Variants in PIEZO2 observed in about 807,000 individuals in gnomAD.
PIEZO2 encodes the protein piezo type mechanosensitive ion channel component 2.
PIEZO2 carries 172 observed loss-of-function variants against 337.3 expected under a neutral mutation model. The ratio of observed to expected loss-of-function variants is 0.51; its 90% CI spans 0.45 to 0.58. The LOEUF (loss-of-function observed/expected upper bound fraction) is 0.58, where lower values mean the gene tolerates loss of function less well. Among genes scored for constraint, PIEZO2 ranks in the 20% least tolerant of loss-of-function variants. The pLI is 0.00. For synonymous variants in PIEZO2, 1,251 were observed against 1,228.5 expected (o/e 1.02, Z -0.38); for missense variants, 3,028 against 3,391.3 (o/e 0.89, Z 2.66).
chr18:10,699,541 C>T (rs1053992853), intron 43 of PIEZO2, among the ~76,000 whole-genome samples: 3 of 152,154 alleles, frequency 2.0e-5, no homozygotes, highest in African/African-American at 7.2e-5. Context: ...GATTGTGAGG[C>T]CTCCCCAGCC....
At chr18:10,675,101 GGA>G in intron 54 of PIEZO2, 106 bp downstream of exon 54, 1 of 696,798 alleles carries the variant, frequency 1.4e-6, no homozygotes, top group Non-Finnish European at 2.4e-6. Context: ...TGTCACACAG[GGA>G]GAGATAACTA....
intron 2 of PIEZO2, among the ~76,000 whole-genome samples, chr18:11,018,377 C>T (rs902805235): frequency 3.3e-5 from 4 of 119,856 alleles, no homozygotes; most frequent in Admixed American, 2.7e-4. Context: ...GGACTCCCAA[C>T]ATGTCGTGTG....
Position 10,860,141 on chromosome 18 carries a change from T to A in PIEZO2, c.493-2930A>T, listed in dbSNP as rs535273990. Reference sequence around the variant, plus strand: ...CCAGTAGGCAGCTATTATAGGAGTCTGGAGTGTTGGAGAGGGGCTGGAGCT... The same window carrying A: ...CCAGTAGGCAGCTATTATAGGAGTCAGGAGTGTTGGAGAGGGGCTGGAGCT... On this transcript the variant is annotated intron_variant, in intron 5 of 55. Transcript: ENST00000674853. Among the ~76,000 whole-genome samples the A allele has an allele frequency of 3.3e-5, 5 of 152,240 alleles. No individual in the cohort carries two copies. The South Asian group carries it at 1.0e-3, about 32-fold the overall frequency.
At chr18:10,788,231 G>A (rs1358506299) in intron 15 of PIEZO2, among the ~76,000 whole-genome samples, 12 of 152,094 alleles carry the variant, frequency 7.9e-5, no homozygotes, top group East Asian at 5.8e-4. Context: ...GTGAAACCCC[G>A]TCTCTACTAA....
intron 7 of PIEZO2, among the ~76,000 whole-genome samples, chr18:10,822,997 T>C (rs2144478917): frequency 6.6e-6 from 1 of 152,340 alleles, no homozygotes; most frequent in Admixed American, 6.5e-5. Context: ...AAATAGAATA[T>C]CTCTTAATAC....
Position 10,795,317 on chromosome 18 carries a change from T to TA in PIEZO2, c.1528-316_1528-315insT, listed in dbSNP as rs398120173. ...AAGTAGCAAAATGTGTATTCAAATA[T>TA]TTTATTTTATTTTATTTTATTTTAT... On this transcript the variant is annotated intron_variant, in intron 12 of 55. Transcript: ENST00000674853. The surrounding 1 kb of genome is among the most constrained non-coding windows in gnomAD (Gnocchi z 4.4). 3.5e-4 allele frequency among the ~76,000 whole-genome samples: 4 copies of TA among 11,410 alleles called. No individual in the cohort carries two copies. Among genetic ancestry groups the TA allele is most frequent in the African/African-American group, 7.4e-4 (4 of 5,372 alleles). 7.5% of individuals were successfully genotyped at this position (11,410 alleles called of 152,430 possible). A position where few individuals can be genotyped will look rare whatever the true frequency, so the allele number is the denominator to read the frequency against.
chr18:10,937,865 T>C (rs561003269), intron 3 of PIEZO2, among the ~76,000 whole-genome samples: 1 of 152,296 alleles, frequency 6.6e-6, no homozygotes, highest in Admixed American at 6.5e-5. Flanking sequence ...TCTAGGAAAA[T>C]GATAAATTAA....
chr18:10,931,693 G>C (rs2032093795), intron 3 of PIEZO2, among the ~76,000 whole-genome samples: 1 of 130,982 alleles, frequency 7.6e-6, no homozygotes, highest in Non-Finnish European at 1.6e-5. Context: ...CTCTTTCTCT[G>C]TGTGGTGTGT....
chr18:10,877,537 G>T lies in PIEZO2; in HGVS notation c.330-6122C>A, dbSNP rs1419095734. On this transcript the variant is annotated intron_variant, in intron 4 of 55. Coordinates refer to ENST00000674853, the MANE Select transcript of PIEZO2 (RefSeq NM_001378183.1). The surrounding 1 kb of genome is among the most constrained non-coding windows in gnomAD (Gnocchi z 5.3). ...CTATAGTCCTAATTTTGGAAAACAC[G>T]GCTGTCATCAACCTAGTGACCAAAA... Among the ~76,000 whole-genome samples, 1 of 152,018 alleles carries T rather than the reference G, an allele frequency of 6.6e-6. No individual in the cohort carries two copies.
At position 10,691,782 on chromosome 18, in the gene PIEZO2, C is replaced by CACACACACACACACACATATATAT; in HGVS notation, c.7191-400_7191-399insATATATATGTGTGTGTGTGTGTGT. The stretch of plus-strand genomic sequence containing the variant: ...AAATATATATAAACACACACACACA[C>CACACACACACACACACATATATAT]ATATATATATATATATATAGAGAGA... On this transcript the variant is annotated intron_variant, in intron 47 of 55. Coordinates refer to ENST00000674853, the MANE Select transcript of PIEZO2 (RefSeq NM_001378183.1). Among the ~76,000 whole-genome samples the CACACACACACACACACATATATAT allele has an allele frequency of 5.3e-4, 51 of 96,606 alleles. 4 individuals carry two copies. Among genetic ancestry groups the CACACACACACACACACATATATAT allele is most frequent in the Admixed American group, 3.3e-3 (29 of 8,752 alleles). The allele number at this position is 96,606 out of a possible 152,430, so 63.4% of individuals were successfully genotyped here. A position where few individuals can be genotyped will look rare whatever the true frequency, so the allele number is the denominator to read the frequency against.
chr18:10,908,148 T>G (rs988914392), intron 4 of PIEZO2, among the ~76,000 whole-genome samples: 2 of 152,210 alleles, frequency 1.3e-5, no homozygotes, highest in African/African-American at 2.4e-5. Context: ...GAGAGACAAC[T>G]GAACAACATC....
chr18:10,672,724 T>A lies in PIEZO2; in HGVS notation c.8311A>T (p.Ser2771Cys). The change falls in exon 55 of 56, where the codon AGT (serine) becomes TGT (cysteine). Residue 2771 changes from serine to cysteine, a missense_variant. Physicochemically the swap from Ser to Cys is moderately radical, Grantham distance 112. Around this residue, in one of 5 missense-constraint regions of PIEZO2, gnomAD observed 332 missense variants for 363.8 expected, o/e 0.91. Coordinates refer to ENST00000674853, the MANE Select transcript of PIEZO2 (RefSeq NM_001378183.1). This position sits in a 1 kb window ranked among gnomAD's most constrained non-coding sequence, Gnocchi z 4.7. The stretch of plus-strand genomic sequence containing the variant: ...GCCAGGAACCCCAGACTTGGGGGAC[T>A]GACTTTGTCATTGAAGACCACCAGT... ...LELVVFNDKV[S>C]PPSLGFLAGY... 6.2e-7 allele frequency: 1 copy of A among 1,614,070 alleles called. No homozygotes were observed. Among genetic ancestry groups the A allele is most frequent in the Non-Finnish European group, 8.5e-7 (1 of 1,179,964 alleles).
At chr18:10,960,910 G>T (rs967056286) in intron 3 of PIEZO2, among the ~76,000 whole-genome samples, 2 of 152,148 alleles carry the variant, frequency 1.3e-5, no homozygotes, top group Non-Finnish European at 2.9e-5. Context: ...CCGGGGTGGT[G>T]GCTCATGCCT....
At chr18:10,948,664 G>A (rs144683846) in intron 3 of PIEZO2, among the ~76,000 whole-genome samples, 2 of 152,242 alleles carry the variant, frequency 1.3e-5, no homozygotes, top group African/African-American at 4.8e-5. Flanking sequence ...AGCTTGCAGA[G>A]GGGGAAATGT....
intron 1 of PIEZO2, among the ~76,000 whole-genome samples, chr18:11,138,158 T>C (rs2040542380): frequency 6.6e-6 from 1 of 152,222 alleles, no homozygotes; most frequent in Non-Finnish European, 1.5e-5. Context: ...TTTTAGTCAA[T>C]TGGTAAATAT....
chr18:10,757,924 T>C lies in PIEZO2; in HGVS notation c.3923+45A>G, dbSNP rs937926317. The C allele has an allele frequency of 4.7e-6, 7 of 1,474,550 alleles. No homozygotes were observed. In the Admixed American group the frequency reaches 8.4e-5, roughly 18 times the overall value. The allele number at this position is 1,474,550 out of a possible 1,614,324, so 91.3% of individuals were successfully genotyped here. On this transcript the variant is annotated intron_variant, in intron 27 of 55. Transcript: ENST00000674853. ...GTATAGAGGAGCAATGTAATGGAAA[T>C]GCACACATCAAAGTGGCTTTTAGCA...
intron 4 of PIEZO2, among the ~76,000 whole-genome samples, chr18:10,896,066 A>AAC (rs1447675699): frequency 2.5e-4 from 38 of 151,844 alleles, no homozygotes; most frequent in Admixed American, 7.9e-4. Context: ...ATCTCAAAAA[A>AAC]AAAAAACAAA....
intron 1 of PIEZO2, among the ~76,000 whole-genome samples, chr18:11,113,260 C>T (rs770300750): frequency 6.6e-5 from 10 of 152,198 alleles, no homozygotes; most frequent in Non-Finnish European, 1.3e-4. Flanking sequence ...AGATGCACAC[C>T]GTATTTACCT....
At chr18:11,123,670 C>T (rs571892840) in intron 1 of PIEZO2, among the ~76,000 whole-genome samples, 2 of 152,124 alleles carry the variant, frequency 1.3e-5, no homozygotes, top group African/African-American at 4.8e-5. Context: ...ATTAGCCGGG[C>T]GTGGTGGTGG....
Sources: allele counts gnomAD v4.1 joint callset (sites outside exome capture counted in the v4.1 genomes callset), GRCh38; gene constraint gnomAD v4.1.1; regional missense constraint gnomAD v4.1.1; non-coding constraint Gnocchi (gnomAD v3.1); transcripts MANE v1.5; gene names NCBI Gene and HGNC (gene_info 2026-07-23, HGNC 2026-07-21).